The following UBR4 variants were observed in gnomAD, a reference collection of about 807,000 sequenced individuals.
UBR4 encodes ubiquitin protein ligase E3 component n-recognin 4, also known as E3 ubiquitin-protein ligase UBR4.
A neutral mutation model predicts 575.6 loss-of-function variants in UBR4; 124 were observed. The ratio of observed to expected loss-of-function variants is 0.22; its 90% CI spans 0.19 to 0.25. The LOEUF (loss-of-function observed/expected upper bound fraction) is 0.25. Among genes scored for constraint, UBR4 ranks in the 10% least tolerant of loss-of-function variants. The pLI is 1.00. For synonymous variants in UBR4, 2,455 were observed against 2,473.7 expected, an observed-to-expected ratio of 0.99 and a Z score of 0.22; for missense variants, 4,818 against 6,478.8, an observed-to-expected ratio of 0.74 and a Z score of 8.80.
intron 8 of UBR4, among the ~76,000 whole-genome samples, chr1:19,194,042 G>A (rs895227408): frequency 2.6e-5 from 4 of 152,140 alleles, no homozygotes; most frequent in African/African-American, 9.7e-5. Context: ...GTCGAGGGAT[G>A]GGATAAGGAA....
chr1:19,149,567 A>T (rs1033754017), intron 49 of UBR4, among the ~76,000 whole-genome samples: 2 of 152,156 alleles, frequency 1.3e-5, no homozygotes, highest in African/African-American at 4.8e-5. Flanking sequence ...CATGGCCAAC[A>T]CCAAGAGTGC....
Position 19,167,196 on chromosome 1 carries a change from C to T in UBR4, c.3935G>A (p.Arg1312Gln), listed in dbSNP as rs1010375490. Residue 1312 changes from arginine to glutamine, a missense_variant, in exon 29 of 106, where the codon CGG becomes CAG. Arg to Gln is a conservative substitution (Grantham distance 43). This residue lies in a region of UBR4 where 1,172 missense variants were observed against 1,259.7 expected (regional missense o/e 0.93). Transcript: ENST00000375254. ...SDEMNPPQVI[R>Q]TLLPLLLESS... ...TTCCAAAAGAAGAGGTAGCAGTGTC[C>T]GAATTACCTGTGGTGGGTTCATCTC... is the stretch of plus-strand genomic sequence containing the variant. 3.7e-6 allele frequency: 6 copies of T among 1,614,170 alleles called. No individual in the cohort carries two copies. Among genetic ancestry groups the T allele is most frequent in the South Asian group, 2.2e-5 (2 of 91,082 alleles).
At chr1:19,148,204 C>T in intron 50 of UBR4, 77 bp from the exon 51 acceptor site, 1 of 1,499,902 alleles carries the variant, frequency 6.7e-7, no homozygotes. Context: ...TCTGCCTGCC[C>T]TTCCTTCCTT....
intron 87 of UBR4, among the ~76,000 whole-genome samples, chr1:19,102,255 C>T (rs777495430): frequency 6.6e-6 from 1 of 152,136 alleles, no homozygotes; most frequent in Non-Finnish European, 1.5e-5. Flanking sequence ...GTCCCAGCTA[C>T]TCAGGAGGCT....
At position 19,173,184 on chromosome 1, in the gene UBR4, T is replaced by C. The variant is rs772625892; in HGVS notation, c.3288A>G (p.Arg1096=). ...TTTAGGTTCCAATATTACATACCTGTCGAGCGAAGTATTCCTCTACTATTT... is the reference window on the plus strand; with the variant it reads ...TTTAGGTTCCAATATTACATACCTGCCGAGCGAAGTATTCCTCTACTATTT... The part of the protein sequence containing the change: ...DVEIVEEYFA[R]QISSFCSIDC... The change falls in exon 24 of 106, where the codon CGA becomes CGG. Residue 1096 remains arginine, a synonymous_variant. Transcript: ENST00000375254. 2 of 1,614,232 alleles carry C rather than the reference T, an allele frequency of 1.2e-6. No homozygotes were observed. The highest frequency in any genetic ancestry group is 1.7e-6 in the Non-Finnish European group (2 of 1,180,032).
At position 19,161,132 on chromosome 1, in the gene UBR4, T is replaced by C; in HGVS notation, c.5191A>G (p.Thr1731Ala). ...DGSCLALVKRTPSSGMSSTMK... is the reference protein window; with the variant it reads ...DGSCLALVKRAPSSGMSSTMK... ...GTAGAGCTCATGCCACTGCTAGGAG[T>C]TCTCTTCACCAGAGCCTAGGGACAG... Residue 1731 changes from threonine to alanine, a missense_variant, in exon 38 of 106, where the codon ACT becomes GCT. Around this residue, in one of 29 missense-constraint regions of UBR4, gnomAD observed 159 missense variants for 174.6 expected, o/e 0.91. Coordinates refer to ENST00000375254, the MANE Select transcript of UBR4 (RefSeq NM_020765.3). The C allele has an allele frequency of 6.2e-7, 1 of 1,613,918 alleles. No homozygotes were observed. Among genetic ancestry groups the C allele is most frequent in the East Asian group, 2.2e-5 (1 of 44,848 alleles).
Position 19,088,073 on chromosome 1 carries a change from T to C in UBR4, c.14431-144A>G. ...AGAGGAAAGCCCTTGAGCTGTCTTC[T>C]AATAAGGATAAAGACCCAGGCCCTT... On this transcript the variant is annotated intron_variant, in intron 98 of 105. Coordinates refer to ENST00000375254, the MANE Select transcript of UBR4 (RefSeq NM_020765.3). This position sits in a 1 kb window ranked among gnomAD's most constrained non-coding sequence, Gnocchi z 4.0. 1.6e-6 allele frequency: 1 copy of C among 612,754 alleles called. No individual in the cohort carries two copies. The highest frequency in any genetic ancestry group is 2.9e-5 in the East Asian group (1 of 34,740). The allele number at this position is 612,754 out of a possible 1,614,324, so 38.0% of individuals were successfully genotyped here.
At chr1:19,120,082 G>A (rs925959246) in intron 69 of UBR4, 98 bp downstream of exon 69, 2 of 1,388,106 alleles carry the variant, frequency 1.4e-6, no homozygotes, top group South Asian at 2.6e-5. Flanking sequence ...CGTAACTACT[G>A]ACTCTGTGAC....
In UBR4 at chr1:19,174,903, G is replaced by A. The variant is rs772110020; in HGVS notation, c.2853+51C>T. On this transcript the variant is annotated intron_variant, in intron 21 of 105. Coordinates refer to ENST00000375254, the MANE Select transcript of UBR4 (RefSeq NM_020765.3). ...CTTTCCCCCCAGTAGGCTGATTCTG[G>A]TGGAAACCATCTGACCCACATATAA... The A allele has an allele frequency of 2.6e-6, 4 of 1,543,726 alleles. No homozygotes were observed. The Admixed American group carries it at 6.9e-5, about 27-fold the overall frequency.
rs769317527 is a variant in UBR4 at position 19,161,057 on chromosome 1, C to T, written c.5266G>A (p.Val1756Met). 25 of 1,614,052 alleles carry T rather than the reference C, an allele frequency of 1.5e-5. No homozygotes were observed. The highest frequency in any genetic ancestry group is 3.3e-5 in the Admixed American group (2 of 60,008). ...QSEPRISESL[V>M]RHASTSSPAD... ...GGCGAGGAGGTGCTGGCATGACGCACTAGACTCTCTGAAATCCTGGGTTCA... is the reference window on the plus strand; with the variant it reads ...GGCGAGGAGGTGCTGGCATGACGCATTAGACTCTCTGAAATCCTGGGTTCA... Residue 1756 changes from valine to methionine, a missense_variant, in exon 38 of 106, where the codon GTG (valine) becomes ATG (methionine). By Grantham distance (21) the Val-to-Met change is conservative. This residue lies in a region of UBR4 where 159 missense variants were observed against 174.6 expected (regional missense o/e 0.91). Coordinates refer to ENST00000375254, the MANE Select transcript of UBR4 (RefSeq NM_020765.3).
In UBR4 at chr1:19,162,020, A is replaced by C. The variant is rs533527949; in HGVS notation, c.4957-123T>G. On this transcript the variant is annotated intron_variant, in intron 35 of 105. Coordinates refer to ENST00000375254, the MANE Select transcript of UBR4 (RefSeq NM_020765.3). ...GTTGACTCGCAAATGACCCGTGGAA[A>C]TCTACCACAACTGGAAATAGCTAGC... 7.4e-6 allele frequency: 8 copies of C among 1,087,392 alleles called. No homozygotes were observed. In the East Asian group the frequency reaches 7.7e-5, roughly 10 times the overall value. 67.4% of individuals were successfully genotyped at this position (1,087,392 alleles called of 1,614,324 possible). A position where few individuals can be genotyped will look rare whatever the true frequency, so the allele number is the denominator to read the frequency against.
intron 1 of UBR4, among the ~76,000 whole-genome samples, chr1:19,209,067 T>C (rs1195115878): frequency 2.0e-5 from 3 of 152,210 alleles, no homozygotes; most frequent in Non-Finnish European, 4.4e-5. Context: ...ATTACAAGTC[T>C]ACAACAAGAA....
chr1:19,183,883 T>C lies in UBR4; in HGVS notation c.2112A>G (p.Glu704=), dbSNP rs555397357. The change falls in exon 17 of 106, where the codon GAA becomes GAG. Residue 704 remains glutamate (E), a synonymous_variant. Transcript: ENST00000375254. ...DKDGLKGSSD[E]EFAAALYHFN... ...AGTGATAGAGAGCTGCAGCAAACTCTTCATCTGATGAACCTTAAAGACAAG... is the reference window on the plus strand; with the variant it reads ...AGTGATAGAGAGCTGCAGCAAACTCCTCATCTGATGAACCTTAAAGACAAG... The C allele has an allele frequency of 1.9e-6, 3 of 1,614,138 alleles. No homozygotes were observed. Among genetic ancestry groups the C allele is most frequent in the South Asian group, 2.2e-5 (2 of 91,082 alleles).
At chr1:19,135,518 T>C (rs2083103414) in intron 60 of UBR4, among the ~76,000 whole-genome samples, 1 of 152,214 alleles carries the variant, frequency 6.6e-6, no homozygotes, top group African/African-American at 2.4e-5. Context: ...TCCATAAACA[T>C]GATGTAGTTC....
At chr1:19,114,199 T>C in intron 75 of UBR4, 129 bp from the exon 76 acceptor site, 3 of 1,202,426 alleles carry the variant, frequency 2.5e-6, no homozygotes, top group Non-Finnish European at 3.4e-6. Flanking sequence ...ACATTATCTC[T>C]GTTCTTCACA....
rs909062208 is a variant in UBR4, at chr1:19,138,948, CAG to C, written c.8731+133_8731+134del. On this transcript the variant is annotated intron_variant, in intron 59 of 105. Transcript: ENST00000375254. ...GGCCAAATGAATTCCACAAGACTTTCAGAGAGTCCACAAGACTTTCAATGAGT... is the reference window on the plus strand; with the variant it reads ...GGCCAAATGAATTCCACAAGACTTTCAGAGTCCACAAGACTTTCAATGAGT... 39 of 1,144,808 alleles carry C rather than the reference CAG, an allele frequency of 3.4e-5. No individual in the cohort carries two copies. In the African/African-American group the frequency reaches 5.3e-4, roughly 16 times the overall value. 70.9% of individuals were successfully genotyped at this position (1,144,808 alleles called of 1,614,324 possible).
chr1:19,165,506 C>G, intron 30 of UBR4, 150 bp downstream of exon 30: 1 of 1,030,840 alleles, frequency 9.7e-7, no homozygotes. Context: ...CCAACAACCC[C>G]AAGGAGTCAG....
rs1448216119 is a variant in UBR4 at position 19,124,825 on chromosome 1, T to C, written c.9439-135A>G. The C allele has an allele frequency of 2.6e-6, 3 of 1,142,444 alleles. No individual in the cohort carries two copies. In the Admixed American group the frequency reaches 7.7e-5, roughly 29 times the overall value. The allele number at this position is 1,142,444 out of a possible 1,614,324, so 70.8% of individuals were successfully genotyped here. ...TGCCTTTCAGAGCTGGAATCAAGAC[T>C]GACTGACAGTTTATTCTATAAACCC... is the stretch of plus-strand genomic sequence containing the variant. On this transcript the variant is annotated intron_variant, in intron 64 of 105. Transcript: ENST00000375254.
At chr1:19,178,779 G>A (rs1433697290) in intron 18 of UBR4, among the ~76,000 whole-genome samples, 1 of 152,128 alleles carries the variant, frequency 6.6e-6, no homozygotes. Context: ...AAAAAAGCAG[G>A]TCAGGATAAA....
Sources: allele counts gnomAD v4.1 joint callset (sites outside exome capture counted in the v4.1 genomes callset), GRCh38; gene constraint gnomAD v4.1.1; regional missense constraint gnomAD v4.1.1; non-coding constraint Gnocchi (gnomAD v3.1); transcripts MANE v1.5; gene names NCBI Gene and HGNC (gene_info 2026-07-23, HGNC 2026-07-21).